Variants in HES1 observed in about 807,000 individuals in gnomAD.
The protein encoded by HES1 is transcription factor HES-1.
Under a neutral mutation model 21.0 loss-of-function variants are expected in HES1, and 7 were observed. The observed-to-expected ratio is 0.33, with a 90% CI of 0.19 to 0.63. The LOEUF (loss-of-function observed/expected upper bound fraction) is 0.63, where lower values mean the gene tolerates loss of function less well. HES1 is among the 20% of genes least tolerant of loss of function. The pLI is 0.78. For synonymous variants in HES1, 169 were observed against 171.2 expected (o/e 0.99, Z 0.10); for missense variants, 338 against 389.8 (o/e 0.87, Z 1.12).
chr3:194,138,027 G>C lies in HES1; in HGVS notation c.637G>C (p.Ala213Pro). The C allele has an allele frequency of 6.3e-7, 1 of 1,582,678 alleles. No homozygotes were observed. The highest frequency in any genetic ancestry group is 8.6e-7 in the Non-Finnish European group (1 of 1,165,862). ...CKLGSQAGEA[A>P]KVFGGFQVVP... ...GCTGGGCAGCCAGGCTGGAGAGGCG[G>C]CTAAGGTGTTTGGAGGCTTCCAGGT... is the stretch of plus-strand genomic sequence containing the variant. The change falls in exon 4 of 4, where the codon GCT (alanine) becomes CCT (proline). Residue 213 changes from alanine to proline, a missense_variant. By Grantham distance (27) the Ala-to-Pro change is conservative. Transcript: ENST00000232424.
chr3:194,137,474 G>A lies in HES1; in HGVS notation c.293-209G>A, dbSNP rs1452641179. Reference sequence around the variant, plus strand: ...GAGATAGGTTTAAATGCAGCTACAGGGAATCGGGAAGGAGTGGCTCGGCTT... The same window carrying A: ...GAGATAGGTTTAAATGCAGCTACAGAGAATCGGGAAGGAGTGGCTCGGCTT... On this transcript the variant is annotated intron_variant, in intron 3 of 3. Coordinates refer to ENST00000232424, the MANE Select transcript of HES1 (RefSeq NM_005524.4). The surrounding 1 kb of genome is among the most constrained non-coding windows in gnomAD (Gnocchi z 5.4). Among the ~76,000 whole-genome samples the A allele has an allele frequency of 6.6e-6, 1 of 152,212 alleles. No individual in the cohort carries two copies. Among genetic ancestry groups the A allele is most frequent in the African/African-American group, 2.4e-5 (1 of 41,454 alleles).
Position 194,137,222 on chromosome 3 carries a change from C to G in HES1, c.292+174C>G, listed in dbSNP as rs776187833. On this transcript the variant is annotated intron_variant, in intron 3 of 3. Transcript: ENST00000232424. This position sits in a 1 kb window ranked among gnomAD's most constrained non-coding sequence, Gnocchi z 5.4. ...TTATAGCCACAACTCCAAGTTGTTA[C>G]TGTTCCGGAAAGGGAGGGAAAGAGG... 2.9e-5 allele frequency: 19 copies of G among 650,510 alleles called. No homozygotes were observed. The highest frequency in any genetic ancestry group is 4.9e-5 in the Non-Finnish European group (18 of 369,534). 40.3% of individuals were successfully genotyped at this position (650,510 alleles called of 1,614,324 possible). A position where few individuals can be genotyped will look rare whatever the true frequency, so the allele number is the denominator to read the frequency against.
rs551670541 is a variant in HES1 at position 194,138,393 on chromosome 3, G to C, written c.*160G>C. The C allele has an allele frequency of 1.5e-6, 1 of 652,646 alleles. No homozygotes were observed. The highest frequency in any genetic ancestry group is 1.9e-5 in the African/African-American group (1 of 53,690). The allele number at this position is 652,646 out of a possible 1,614,324, so 40.4% of individuals were successfully genotyped here. ...TAAGAAGTTACTTTTTGTAGAGAGA[G>C]CTGTATTAAGTGACTGACCATGCAC... On this transcript the variant is annotated 3_prime_UTR_variant, in exon 4 of 4. Coordinates refer to ENST00000232424, the MANE Select transcript of HES1 (RefSeq NM_005524.4).
chr3:194,138,270 C>A lies in HES1; in HGVS notation c.*37C>A. Reference sequence around the variant, plus strand: ...CCACCCCTCCTCCTAAACTCCCCAACCCACCTCTCTTCCCTCCGGACTCTA... The same window carrying A: ...CCACCCCTCCTCCTAAACTCCCCAAACCACCTCTCTTCCCTCCGGACTCTA... On this transcript the variant is annotated 3_prime_UTR_variant, in exon 4 of 4. Transcript: ENST00000232424. 1 of 1,496,186 alleles carries A rather than the reference C, an allele frequency of 6.7e-7. No individual in the cohort carries two copies. Among genetic ancestry groups the A allele is most frequent in the South Asian group, 1.3e-5 (1 of 77,712 alleles). 92.7% of individuals were successfully genotyped at this position (1,496,186 alleles called of 1,614,324 possible). A position where few individuals can be genotyped will look rare whatever the true frequency, so the allele number is the denominator to read the frequency against.
At position 194,137,680 on chromosome 3, in the gene HES1, C is replaced by T; in HGVS notation, c.293-3C>T. 9 of 1,575,320 alleles carry T rather than the reference C, an allele frequency of 5.7e-6. No homozygotes were observed. The highest frequency in any genetic ancestry group is 7.8e-6 in the Non-Finnish European group (9 of 1,157,724). On this transcript the variant is annotated splice_polypyrimidine_tract_variant and splice_region_variant and intron_variant, in intron 3 of 3. Coordinates refer to ENST00000232424, the MANE Select transcript of HES1 (RefSeq NM_005524.4). The surrounding 1 kb of genome is among the most constrained non-coding windows in gnomAD (Gnocchi z 5.4). ...GACCCGTCTGTCTCTTTCTGGCCCG[C>T]AGCTGCGCTGAGCACAGACCCAAGT...
At position 194,137,983 on chromosome 3, in the gene HES1, C is replaced by T. The variant is rs768638212; in HGVS notation, c.593C>T (p.Pro198Leu). The T allele has an allele frequency of 2.1e-6, 3 of 1,422,170 alleles. No individual in the cohort carries two copies. The highest frequency in any genetic ancestry group is 1.8e-6 in the Non-Finnish European group (2 of 1,081,970). 88.1% of individuals were successfully genotyped at this position (1,422,170 alleles called of 1,614,324 possible). A position where few individuals can be genotyped will look rare whatever the true frequency, so the allele number is the denominator to read the frequency against. ...VPIPGGAAPPPGGAPCKLGSQ... is the reference protein window; with the variant it reads ...VPIPGGAAPPLGGAPCKLGSQ... ...ATCCCCGGGGGCGCGGCGCCCCCTC[C>T]CGGCGGCGCCCCCTGCAAGCTGGGC... The change falls in exon 4 of 4, where the codon CCC (proline) becomes CTC (leucine). Residue 198 changes from proline (P) to leucine (L), a missense_variant. Physicochemically the swap from Pro to Leu is moderately conservative, Grantham distance 98. Transcript: ENST00000232424. The surrounding 1 kb of genome is among the most constrained non-coding windows in gnomAD (Gnocchi z 5.4).
In HES1 at chr3:194,137,431, G is replaced by C; in HGVS notation, c.293-252G>C. ...AGGTCACATCGCGCGCGGGGGTGGG[G>C]GTGACAGATCTGGGGCTGAGATAGG... On this transcript the variant is annotated intron_variant, in intron 3 of 3. Coordinates refer to ENST00000232424, the MANE Select transcript of HES1 (RefSeq NM_005524.4). This position sits in a 1 kb window ranked among gnomAD's most constrained non-coding sequence, Gnocchi z 5.4. The C allele has an allele frequency of 1.7e-6, 1 of 573,760 alleles. No homozygotes were observed. Among genetic ancestry groups the C allele is most frequent in the East Asian group, 2.9e-5 (1 of 34,710 alleles). The allele number at this position is 573,760 out of a possible 1,614,324, so 35.5% of individuals were successfully genotyped here.
rs1351078649 is a variant in HES1, at chr3:194,137,008, A to G, written c.252A>G (p.Thr84=). ...KLEKADILEM[T]VKHLRNLQRA... is the part of the protein sequence containing the mutation. The stretch of plus-strand genomic sequence containing the variant: ...AGAAGGCGGACATTCTGGAAATGAC[A>G]GTGAAGCACCTCCGGAACCTGCAGC... Residue 84 remains threonine (T), a synonymous_variant, in exon 3 of 4, where the codon ACA becomes ACG. Coordinates refer to ENST00000232424, the MANE Select transcript of HES1 (RefSeq NM_005524.4). The surrounding 1 kb of genome is among the most constrained non-coding windows in gnomAD (Gnocchi z 5.4). The G allele has an allele frequency of 1.2e-5, 19 of 1,614,114 alleles. No individual in the cohort carries two copies. Among genetic ancestry groups the G allele is most frequent in the Non-Finnish European group, 1.6e-5 (19 of 1,180,046 alleles).
rs1480672141 is a variant in HES1, at chr3:194,137,709, C to T, written c.319C>T (p.Leu107=). Reference sequence around the variant, plus strand: ...TGCGCTGAGCACAGACCCAAGTGTGCTGGGGAAGTACCGAGCCGGCTTCAG... The same window carrying T: ...TGCGCTGAGCACAGACCCAAGTGTGTTGGGGAAGTACCGAGCCGGCTTCAG... ...TAALSTDPSV[L]GKYRAGFSEC... is the part of the protein sequence containing the mutation. Residue 107 remains leucine, a synonymous_variant, in exon 4 of 4, where the codon CTG becomes TTG. Coordinates refer to ENST00000232424, the MANE Select transcript of HES1 (RefSeq NM_005524.4). This position sits in a 1 kb window ranked among gnomAD's most constrained non-coding sequence, Gnocchi z 5.4. 3 of 1,612,796 alleles carry T rather than the reference C, an allele frequency of 1.9e-6. No homozygotes were observed. The highest frequency in any genetic ancestry group is 2.5e-6 in the Non-Finnish European group (3 of 1,179,482).
At chr3:194,136,570 G>T in intron 1 of HES1, 47 bp from the exon 2 acceptor site, 2 of 1,575,328 alleles carry the variant, frequency 1.3e-6, no homozygotes, top group Non-Finnish European at 1.7e-6. Flanking sequence ...TGAAACCCCG[G>T]GATGGCAGAT....
rs571779186 is a variant in HES1 at position 194,137,512 on chromosome 3, C to G, written c.293-171C>G. On this transcript the variant is annotated intron_variant, in intron 3 of 3. Transcript: ENST00000232424. This position sits in a 1 kb window ranked among gnomAD's most constrained non-coding sequence, Gnocchi z 5.4. Reference sequence around the variant, plus strand: ...AGTGGCTCGGCTTTTGGCAGCAACGCTAGTGTGGAGAGGTGGCTGGTTTTT... The same window carrying G: ...AGTGGCTCGGCTTTTGGCAGCAACGGTAGTGTGGAGAGGTGGCTGGTTTTT... Among the ~76,000 whole-genome samples, 638 of 152,302 alleles carry G rather than the reference C, an allele frequency of 4.2e-3. 5 individuals carry two copies. The highest frequency in any genetic ancestry group is 0.015 in the African/African-American group (611 of 41,570).
In HES1 at chr3:194,136,203, C is replaced by T; in HGVS notation, c.-178C>T. ...GCGGAATCCCCCGTCTACCTCTCTCCTTGGTCCTGGAACAGCGCTACTGAT... is the reference window on the plus strand; with the variant it reads ...GCGGAATCCCCCGTCTACCTCTCTCTTTGGTCCTGGAACAGCGCTACTGAT... On this transcript the variant is annotated 5_prime_UTR_variant, in exon 1 of 4. Transcript: ENST00000232424. 1.7e-6 allele frequency: 1 copy of T among 574,734 alleles called. No individual in the cohort carries two copies. The highest frequency in any genetic ancestry group is 3.1e-6 in the Non-Finnish European group (1 of 320,238). The allele number at this position is 574,734 out of a possible 1,614,324, so 35.6% of individuals were successfully genotyped here.
chr3:194,136,294 G>A lies in HES1; in HGVS notation c.-87G>A, dbSNP rs1473615938. 8 of 786,180 alleles carry A rather than the reference G, an allele frequency of 1.0e-5. No individual in the cohort carries two copies. Among genetic ancestry groups the A allele is most frequent in the African/African-American group, 1.8e-5 (1 of 54,104 alleles). 48.7% of individuals were successfully genotyped at this position (786,180 alleles called of 1,614,324 possible). ...CTCAGTAGTTTTGTGAAAGTCTCAAGTAAAAGAGACACAAACAAAAAATTC... is the reference window on the plus strand; with the variant it reads ...CTCAGTAGTTTTGTGAAAGTCTCAAATAAAAGAGACACAAACAAAAAATTC... On this transcript the variant is annotated 5_prime_UTR_variant, in exon 1 of 4. Coordinates refer to ENST00000232424, the MANE Select transcript of HES1 (RefSeq NM_005524.4).
In HES1 at chr3:194,137,740, G is replaced by C; in HGVS notation, c.350G>C (p.Cys117Ser). ...LGKYRAGFSE[C>S]MNEVTRFLST... The stretch of plus-strand genomic sequence containing the variant: ...AAGTACCGAGCCGGCTTCAGCGAGT[G>C]CATGAACGAGGTGACCCGCTTCCTG... The change falls in exon 4 of 4, where the codon TGC (cysteine) becomes TCC (serine). Residue 117 changes from cysteine (C) to serine (S), a missense_variant. Cys to Ser is a moderately radical substitution (Grantham distance 112). Coordinates refer to ENST00000232424, the MANE Select transcript of HES1 (RefSeq NM_005524.4). This position sits in a 1 kb window ranked among gnomAD's most constrained non-coding sequence, Gnocchi z 5.4. The C allele has an allele frequency of 6.2e-7, 1 of 1,613,760 alleles. No individual in the cohort carries two copies. The highest frequency in any genetic ancestry group is 8.5e-7 in the Non-Finnish European group (1 of 1,179,878).
chr3:194,137,940 C>T lies in HES1; in HGVS notation c.550C>T (p.Pro184Ser), dbSNP rs1313893646. 5 of 1,307,138 alleles carry T rather than the reference C, an allele frequency of 3.8e-6. No homozygotes were observed. Among genetic ancestry groups the T allele is most frequent in the Non-Finnish European group, 4.9e-6 (5 of 1,028,404 alleles). 81.0% of individuals were successfully genotyped at this position (1,307,138 alleles called of 1,614,324 possible). Residue 184 changes from proline (P) to serine (S), a missense_variant, in exon 4 of 4, where the codon CCG (proline) becomes TCG (serine). Coordinates refer to ENST00000232424, the MANE Select transcript of HES1 (RefSeq NM_005524.4). This position sits in a 1 kb window ranked among gnomAD's most constrained non-coding sequence, Gnocchi z 5.4. ...GGPQHAPFAPPPPLVPIPGGA... is the reference protein window; with the variant it reads ...GGPQHAPFAPSPPLVPIPGGA... ...CCCCCAGCACGCGCCGTTCGCGCCGCCGCCGCCACTCGTGCCCATCCCCGG... is the reference window on the plus strand; with the variant it reads ...CCCCCAGCACGCGCCGTTCGCGCCGTCGCCGCCACTCGTGCCCATCCCCGG...
In HES1 at chr3:194,137,138, C is replaced by A; in HGVS notation, c.292+90C>A. ...GACTTCCGCCCGTGGTTGTGAGAGGCATTCAGCTACATTTTACTGCCTTGG... is the reference window on the plus strand; with the variant it reads ...GACTTCCGCCCGTGGTTGTGAGAGGAATTCAGCTACATTTTACTGCCTTGG... On this transcript the variant is annotated intron_variant, in intron 3 of 3. Coordinates refer to ENST00000232424, the MANE Select transcript of HES1 (RefSeq NM_005524.4). The surrounding 1 kb of genome is among the most constrained non-coding windows in gnomAD (Gnocchi z 5.4). 1 of 1,064,670 alleles carries A rather than the reference C, an allele frequency of 9.4e-7. No individual in the cohort carries two copies. Among genetic ancestry groups the A allele is most frequent in the Non-Finnish European group, 1.5e-6 (1 of 686,988 alleles). 66.0% of individuals were successfully genotyped at this position (1,064,670 alleles called of 1,614,324 possible).
rs1234446845 is a variant in HES1 at position 194,138,674 on chromosome 3, G to A, written c.*441G>A. On this transcript the variant is annotated 3_prime_UTR_variant, in exon 4 of 4. Coordinates refer to ENST00000232424, the MANE Select transcript of HES1 (RefSeq NM_005524.4). ...GCTTTTGGTGGAATTTGAATTACAT[G>A]TAATTGGTAATTCAGGAATTGACTC... 1 of 153,552 alleles carries A rather than the reference G, an allele frequency of 6.5e-6. No individual in the cohort carries two copies. The highest frequency in any genetic ancestry group is 1.4e-5 in the Non-Finnish European group (1 of 69,014). 9.5% of individuals were successfully genotyped at this position (153,552 alleles called of 1,614,324 possible). A position where few individuals can be genotyped will look rare whatever the true frequency, so the allele number is the denominator to read the frequency against.
chr3:194,136,546 G>C lies in HES1; in HGVS notation c.108+58G>C, dbSNP rs1715343069. 7 of 1,559,554 alleles carry C rather than the reference G, an allele frequency of 4.5e-6. No homozygotes were observed. In the South Asian group the frequency reaches 6.9e-5, roughly 15 times the overall value. ...CTCAAAATTAAGTAGGGGTTGGGGGGCTTCTTTCTGTCTTGAAACCCCGGG... is the reference window on the plus strand; with the variant it reads ...CTCAAAATTAAGTAGGGGTTGGGGGCCTTCTTTCTGTCTTGAAACCCCGGG... On this transcript the variant is annotated intron_variant, in intron 1 of 3. Coordinates refer to ENST00000232424, the MANE Select transcript of HES1 (RefSeq NM_005524.4).
rs755810702 is a variant in HES1, at chr3:194,137,778, G to A, written c.388G>A (p.Gly130Ser). 75 of 1,613,696 alleles carry A rather than the reference G, an allele frequency of 4.6e-5. No individual in the cohort carries two copies. The highest frequency in any genetic ancestry group is 5.8e-5 in the Non-Finnish European group (69 of 1,179,944). ...GACCCGCTTCCTGTCCACGTGCGAG[G>A]GCGTTAATACCGAGGTGCGCACTCG... is the stretch of plus-strand genomic sequence containing the variant. ...EVTRFLSTCE[G>S]VNTEVRTRLL... is the part of the protein sequence containing the mutation. The change falls in exon 4 of 4, where the codon GGC becomes AGC. Residue 130 changes from glycine (G) to serine (S), a missense_variant. Transcript: ENST00000232424. The surrounding 1 kb of genome is among the most constrained non-coding windows in gnomAD (Gnocchi z 5.4).
Sources: gnomAD v4.1 joint callset for allele counts (sites outside exome capture counted in the v4.1 genomes callset) on GRCh38, gnomAD v4.1.1 for gene constraint, Gnocchi (gnomAD v3.1) non-coding constraint, MANE v1.5 for transcripts, NCBI Gene and HGNC (gene_info 2026-07-23, HGNC 2026-07-21) for gene names.